LARP1B: variants seen among roughly 807,000 people sequenced by gnomAD.
LARP1B encodes la-related protein 1B.
Under a neutral mutation model 114.2 loss-of-function variants are expected in LARP1B, and 76 were observed. That is an observed-to-expected ratio of 0.67 (90% CI 0.55 to 0.81). LARP1B has a LOEUF of 0.81. Ranked by LOEUF, LARP1B falls within the 30% of genes least tolerant of loss-of-function variation. The pLI is 0.00. For synonymous variants in LARP1B, 345 were observed against 348.0 expected, an observed-to-expected ratio of 0.99 and a Z score of 0.10; for missense variants, 1,014 against 1,075.8, an observed-to-expected ratio of 0.94 and a Z score of 0.80.
At chr4:128,216,929 A>G (rs1174923348), downstream of LARP1B, among the ~76,000 whole-genome samples, 1 of 152,154 alleles carries the variant, frequency 6.6e-6, no homozygotes, top group Admixed American at 6.5e-5. Flanking sequence ...GAGAAGAATC[A>G]AATAGACACA....
At chr4:128,166,968 CTCTATATATATA>C (rs1741239404) in intron 12 of LARP1B, among the ~76,000 whole-genome samples, 2 of 81,038 alleles carry the variant, frequency 2.5e-5, no homozygotes, top group South Asian at 4.3e-4. Context: ...CTCTCTCTCT[CTCTATATATATA>C]TATATATATA....
chr4:128,156,003 C>T (rs534052490), intron 11 of LARP1B: 248 of 1,556,692 alleles, frequency 1.6e-4, no homozygotes, highest in Non-Finnish European at 2.0e-4. Flanking sequence ...TCTCCCTTTC[C>T]CCAGGGCCTG....
chr4:128,153,634 G>A (rs1183919760), intron 11 of LARP1B, among the ~76,000 whole-genome samples: 4 of 152,084 alleles, frequency 2.6e-5, no homozygotes. Context: ...GTCTTCCCTG[G>A]TTTATCCCTG....
At chr4:128,106,094 G>T (rs1212884764) in intron 8 of LARP1B, among the ~76,000 whole-genome samples, 1 of 151,718 alleles carries the variant, frequency 6.6e-6, no homozygotes, top group African/African-American at 2.4e-5. Flanking sequence ...CGCCATCTCG[G>T]CTCACTGCAA....
intron 5 of LARP1B, among the ~76,000 whole-genome samples, chr4:128,087,283 A>G (rs1773986104): frequency 6.6e-6 from 1 of 152,228 alleles, no homozygotes; most frequent in Admixed American, 6.6e-5. Flanking sequence ...GATATGTGGA[A>G]ACAATAGGAT....
At chr4:128,065,242 T>A (rs910478725) in intron 1 of LARP1B, among the ~76,000 whole-genome samples, 6 of 151,084 alleles carry the variant, frequency 4.0e-5, no homozygotes, top group African/African-American at 1.5e-4. Flanking sequence ...TGCACTGTTC[T>A]CCCACAATTA....
intron 1 of LARP1B, among the ~76,000 whole-genome samples, chr4:128,066,902 A>G (rs1034094595): frequency 2.7e-5 from 4 of 150,792 alleles, no homozygotes; most frequent in South Asian, 4.2e-4. Flanking sequence ...GGTTCGAGCA[A>G]TTCTCCTGCC....
intron 7 of LARP1B, among the ~76,000 whole-genome samples, chr4:128,222,004 C>G (rs1234018988): frequency 2.0e-5 from 3 of 152,152 alleles, no homozygotes; most frequent in African/African-American, 7.2e-5. Flanking sequence ...CAAATTATCT[C>G]CAGGTATTGC....
At chr4:128,158,872 T>C (rs1463670299) in intron 11 of LARP1B, among the ~76,000 whole-genome samples, 1 of 152,066 alleles carries the variant, frequency 6.6e-6, no homozygotes, top group Non-Finnish European at 1.5e-5. Context: ...ATACATCTTA[T>C]GTAACTATAG....
In LARP1B at chr4:128,220,510, C is replaced by T. The variant is rs1336998695; in HGVS notation, n.934+70C>T. On this transcript the variant is annotated intron_variant and non_coding_transcript_variant, in intron 7 of 7. Coordinates refer to the LARP1B transcript ENST00000503725. ...TGATATCATATAATTATATCAATTA[C>T]TCTTGCATTCCTAATAGTCATATGT... is the stretch of plus-strand genomic sequence containing the variant. 3 of 182,188 alleles carry T rather than the reference C, an allele frequency of 1.6e-5. No individual in the cohort carries two copies. The East Asian group carries it at 5.6e-4, about 34-fold the overall frequency. 11.3% of individuals were successfully genotyped at this position (182,188 alleles called of 1,614,324 possible). A position where few individuals can be genotyped will look rare whatever the true frequency, so the allele number is the denominator to read the frequency against.
intron 11 of LARP1B, among the ~76,000 whole-genome samples, chr4:128,143,966 T>G (rs1460043245): frequency 6.6e-6 from 1 of 152,074 alleles, no homozygotes; most frequent in Non-Finnish European, 1.5e-5. Context: ...TAGATAGGAT[T>G]TGGAGCATGT....
intron 11 of LARP1B, among the ~76,000 whole-genome samples, chr4:128,131,951 G>C (rs1417690740): frequency 1.3e-5 from 2 of 152,204 alleles, no homozygotes; most frequent in Non-Finnish European, 2.9e-5. Context: ...CTTATACTCT[G>C]CTGCTGGGAA....
At chr4:128,204,181 A>G (rs1179858135) in intron 17 of LARP1B, among the ~76,000 whole-genome samples, 2 of 152,082 alleles carry the variant, frequency 1.3e-5, no homozygotes, top group Non-Finnish European at 2.9e-5. Context: ...AATATGATTT[A>G]CTTGATAAAA....
chr4:128,156,161 C>A (rs1193433095), intron 11 of LARP1B: 2 of 1,610,590 alleles, frequency 1.2e-6, no homozygotes, highest in East Asian at 2.2e-5. Flanking sequence ...AGCGGAGACC[C>A]ATCCTCTGAC....
intron 11 of LARP1B, among the ~76,000 whole-genome samples, chr4:128,139,638 C>T (rs890012321): frequency 1.3e-5 from 2 of 150,590 alleles, no homozygotes; most frequent in African/African-American, 4.9e-5. Flanking sequence ...CCAGCCTGGG[C>T]GACAGAGTGA....
chr4:128,061,261 GC>G (rs1037761530), upstream of LARP1B: 16 of 152,320 alleles, frequency 1.1e-4, no homozygotes, highest in African/African-American at 3.8e-4. Flanking sequence ...GGGAGGCCCC[GC>G]CCCGTGCTCT....
chr4:128,106,732 T>C (rs996530828), intron 8 of LARP1B, among the ~76,000 whole-genome samples: 4 of 152,102 alleles, frequency 2.6e-5, no homozygotes, highest in Admixed American at 2.6e-4. Flanking sequence ...TGAGGAATCA[T>C]GAGTACATGT....
chr4:128,186,583 G>A (rs1750452985), intron 15 of LARP1B, among the ~76,000 whole-genome samples: 1 of 152,140 alleles, frequency 6.6e-6, no homozygotes, highest in South Asian at 2.1e-4. Context: ...ATCATCTGCA[G>A]GCAAGGATAA....
chr4:128,115,819 C>T (rs533828509), intron 10 of LARP1B, among the ~76,000 whole-genome samples: 2 of 152,248 alleles, frequency 1.3e-5, no homozygotes, highest in East Asian at 3.9e-4. Flanking sequence ...CCATGCCCAA[C>T]TATTTTTTTG....
Sources: allele counts gnomAD v4.1 joint callset (sites outside exome capture counted in the v4.1 genomes callset), GRCh38; gene constraint gnomAD v4.1.1; transcripts MANE v1.5; gene names NCBI Gene and HGNC (gene_info 2026-07-23, HGNC 2026-07-21).